Variants in AP2A2 observed in about 807,000 individuals in gnomAD.
The protein encoded by AP2A2 is AP-2 complex subunit alpha-2.
Under a neutral mutation model 104.2 loss-of-function variants are expected in AP2A2, and 32 were observed. The observed-to-expected ratio is 0.31, with a 90% CI of 0.23 to 0.41. The LOEUF (loss-of-function observed/expected upper bound fraction) is 0.41. AP2A2 is among the 10% of genes least tolerant of loss of function. The pLI, the probability that AP2A2 is intolerant of heterozygous loss-of-function variation, is 1.00. For synonymous variants in AP2A2, 539 were observed against 533.3 expected (o/e 1.01, Z -0.15); for missense variants, 912 against 1,261.0 (o/e 0.72, Z 4.19).
chr11:933,149 T>A (rs1853341953), intron 1 of AP2A2, among the ~76,000 whole-genome samples: 1 of 152,190 alleles, frequency 6.6e-6, no homozygotes. Flanking sequence ...GTGTCTGTAA[T>A]CCCAGGTACT....
chr11:928,590 A>G (rs554991708), intron 1 of AP2A2, among the ~76,000 whole-genome samples: 2 of 152,362 alleles, frequency 1.3e-5, no homozygotes, highest in East Asian at 3.9e-4. Flanking sequence ...TGTTTATAGC[A>G]GCACCAGTTG....
At chr11:1,006,860 C>T (rs1052767417) in intron 17 of AP2A2, 8 of 509,342 alleles carry the variant, frequency 1.6e-5, no homozygotes, top group African/African-American at 1.6e-4. Flanking sequence ...TACATGCCTC[C>T]TCCCCTTCCA....
intron 1 of AP2A2, among the ~76,000 whole-genome samples, chr11:934,596 G>C (rs891066061): frequency 6.6e-6 from 1 of 152,060 alleles, no homozygotes. Flanking sequence ...TCTGTCTACG[G>C]GTTTGCTTAG....
chr11:1,008,894 A>G (rs1856302996), intron 18 of AP2A2: 2 of 586,422 alleles, frequency 3.4e-6, no homozygotes, highest in Non-Finnish European at 6.1e-6. Flanking sequence ...CTGCCTGAGT[A>G]TGCGGCCCTG....
intron 1 of AP2A2, chr11:933,467 C>A: frequency 2.2e-6 from 1 of 450,290 alleles, no homozygotes; most frequent in Non-Finnish European, 4.5e-6. Flanking sequence ...GAGAGAATTT[C>A]CGGGTGGGTG....
intron 1 of AP2A2, among the ~76,000 whole-genome samples, chr11:926,602 C>T (rs1399811000): frequency 1.3e-5 from 2 of 152,178 alleles, no homozygotes; most frequent in African/African-American, 4.8e-5. Context: ...TGGATTTTAG[C>T]TTTGGGAGCA....
chr11:939,274 G>A (rs1330512885), intron 1 of AP2A2, among the ~76,000 whole-genome samples: 1 of 148,654 alleles, frequency 6.7e-6, no homozygotes, highest in Non-Finnish European at 1.5e-5. Flanking sequence ...AAAGGTTTAA[G>A]AAGTTAATTA....
At chr11:969,972 G>C (rs1445329159) in intron 2 of AP2A2, among the ~76,000 whole-genome samples, 197 bp from the exon 3 acceptor site, 6 of 152,086 alleles carry the variant, frequency 3.9e-5, no homozygotes, top group African/African-American at 7.2e-5. Context: ...TAAAAAACTT[G>C]GACTCTCATG....
At chr11:987,334 T>C (rs907800886) in intron 9 of AP2A2, among the ~76,000 whole-genome samples, 2 of 152,276 alleles carry the variant, frequency 1.3e-5, no homozygotes, top group Middle Eastern at 3.4e-3. Flanking sequence ...CAAAGGAAAC[T>C]CACTTTGTTC....
intron 17 of AP2A2, chr11:1,006,834 A>G (rs1856224229): frequency 1.8e-6 from 1 of 556,304 alleles, no homozygotes; most frequent in East Asian, 3.0e-5. Flanking sequence ...TTGATCATGC[A>G]CCTAAAAATA....
intron 1 of AP2A2, chr11:933,506 A>G (rs1853355599): frequency 2.2e-6 from 1 of 456,056 alleles, no homozygotes; most frequent in Non-Finnish European, 4.4e-6. Flanking sequence ...GTTCCCGTGT[A>G]GAAGTGGGGG....
chr11:927,336 G>T (rs991712160), intron 1 of AP2A2, among the ~76,000 whole-genome samples: 3 of 152,106 alleles, frequency 2.0e-5, no homozygotes, highest in Admixed American at 6.5e-5. Flanking sequence ...AAGTCCTGGG[G>T]TTACTGGCGT....
At chr11:978,046 C>T (rs1025638994) in intron 5 of AP2A2, among the ~76,000 whole-genome samples, 9 of 152,252 alleles carry the variant, frequency 5.9e-5, no homozygotes, top group Non-Finnish European at 1.2e-4. Context: ...TCAAGGAGGC[C>T]GAAGCTGGGA....
chr11:935,013 C>T (rs1853406553), intron 1 of AP2A2, among the ~76,000 whole-genome samples: 2 of 151,340 alleles, frequency 1.3e-5, no homozygotes, highest in South Asian at 4.2e-4. Flanking sequence ...AGCGCACCAC[C>T]ATGCCCGGCT....
chr11:938,449 C>T (rs114671099), intron 1 of AP2A2, among the ~76,000 whole-genome samples: 4,335 of 151,752 alleles, frequency 0.029, 213 homozygotes, highest in African/African-American at 0.097. Flanking sequence ...TGCAATGCAT[C>T]GTCAACTGTA....
chr11:1,011,563 C>T lies in AP2A2; in HGVS notation c.*938C>T, dbSNP rs755561008. The T allele has an allele frequency of 2.0e-5, 9 of 460,198 alleles. No homozygotes were observed. Among genetic ancestry groups the T allele is most frequent in the African/African-American group, 1.8e-4 (9 of 50,646 alleles). 28.5% of individuals were successfully genotyped at this position (460,198 alleles called of 1,614,324 possible). A position where few individuals can be genotyped will look rare whatever the true frequency, so the allele number is the denominator to read the frequency against. On this transcript the variant is annotated 3_prime_UTR_variant, in exon 22 of 22. Transcript: ENST00000448903. Reference sequence around the variant, plus strand: ...CATGTGCCACCTGCGGCTTGTGTCTCACCTGTCATCTGGACTCAGCACCCA... The same window carrying T: ...CATGTGCCACCTGCGGCTTGTGTCTTACCTGTCATCTGGACTCAGCACCCA...
intron 9 of AP2A2, among the ~76,000 whole-genome samples, 165 bp from the exon 10 acceptor site, chr11:988,387 T>C (rs1855533673): frequency 6.6e-6 from 1 of 152,200 alleles, no homozygotes. Flanking sequence ...TTCCGGGCTG[T>C]CCAGACACAC....
intron 1 of AP2A2, among the ~76,000 whole-genome samples, chr11:927,549 C>T (rs1004135049): frequency 6.6e-6 from 1 of 150,566 alleles, no homozygotes; most frequent in Non-Finnish European, 1.5e-5. Flanking sequence ...GGTGCGGTGG[C>T]TCAAACCTAT....
rs1405650260 is a variant in AP2A2, at chr11:993,813, G to A, written c.1610G>A (p.Arg537His). ...SKFHLCSVPT[R>H]ALLLSTYIKF... ...TTCCACCTGTGCAGCGTCCCCACCC[G>A]CGCGCTGCTCCTGTCCACCTACATC... The change falls in exon 13 of 22, where the codon CGC (arginine) becomes CAC (histidine). Residue 537 changes from arginine to histidine, a missense_variant. Physicochemically the swap from Arg to His is conservative, Grantham distance 29. Around this residue, in one of 7 missense-constraint regions of AP2A2, gnomAD observed 137 missense variants for 186.9 expected, o/e 0.73. Coordinates refer to ENST00000448903, the MANE Select transcript of AP2A2 (RefSeq NM_012305.4). The surrounding 1 kb of genome is among the most constrained non-coding windows in gnomAD (Gnocchi z 8.2). 1.9e-6 allele frequency: 3 copies of A among 1,607,624 alleles called. No individual in the cohort carries two copies. The highest frequency in any genetic ancestry group is 1.3e-5 in the African/African-American group (1 of 74,880).
Sources: gnomAD v4.1 joint callset for allele counts (sites outside exome capture counted in the v4.1 genomes callset) on GRCh38, gnomAD v4.1.1 for gene constraint, gnomAD v4.1.1 regional missense constraint, Gnocchi (gnomAD v3.1) non-coding constraint, MANE v1.5 for transcripts, NCBI Gene and HGNC (gene_info 2026-07-23, HGNC 2026-07-21) for gene names.